CCNB3: variants seen among roughly 807,000 people sequenced by gnomAD.
CCNB3 encodes the protein cyclin B3.
CCNB3 carries 12 observed loss-of-function variants against 68.0 expected under a neutral mutation model. The observed-to-expected ratio is 0.18, with a 90% CI of 0.11 to 0.29. CCNB3 has a LOEUF of 0.29. CCNB3 is among the 10% of genes least tolerant of loss of function. The pLI is 1.00. For synonymous variants in CCNB3, 354 were observed against 388.9 expected, an observed-to-expected ratio of 0.91 and a Z score of 1.06; for missense variants, 904 against 993.1, an observed-to-expected ratio of 0.91 and a Z score of 1.21.
rs1212711744 is a variant in CCNB3 at position 50,226,575 on chromosome X, A to G, written c.-113+21625A>G. On this transcript the variant is annotated intron_variant, in intron 1 of 12. Transcript: ENST00000376042. ...ATAGAATATATATATAAATATATAT[A>G]GAATACATACAAATATATATATAGA... Among the ~76,000 whole-genome samples the G allele has an allele frequency of 5.7e-3, 409 of 72,058 alleles. 2 individuals are homozygous for G. The highest frequency in any genetic ancestry group is 0.021 in the Middle Eastern group (1 of 47). The allele number at this position is 72,058 out of a possible 115,157, so 62.6% of individuals were successfully genotyped here.
intron 1 of CCNB3, among the ~76,000 whole-genome samples, chrX:50,280,972 G>T (rs1293823277): frequency 1.8e-5 from 2 of 109,546 alleles, no homozygotes; most frequent in Non-Finnish European, 3.8e-5. Context: ...TGTTGCCCAG[G>T]CTCATCTCCA....
At chrX:50,311,520 A>G in intron 6 of CCNB3, 24 bp downstream of exon 6, 2 of 1,065,618 alleles carry the variant, frequency 1.9e-6, no homozygotes, top group Non-Finnish European at 2.5e-6. Flanking sequence ...TTTCTTCTTA[A>G]ATTAGATAAA....
rs1363031531 is a variant in CCNB3 at position 50,310,682 on chromosome X, G to A, written c.2513G>A (p.Ser838Asn). 2 of 1,209,085 alleles carry A rather than the reference G, an allele frequency of 1.7e-6. No homozygotes were observed. Among genetic ancestry groups the A allele is most frequent in the African/African-American group, 3.5e-5 (2 of 57,096 alleles). The change falls in exon 6 of 13, where the codon AGC becomes AAC. Residue 838 changes from serine (S) to asparagine (N), a missense_variant. Transcript: ENST00000376042. Reference protein sequence around the residue: ...KEPLALQEEPSTEKEAVLKEP... With the variant: ...KEPLALQEEPNTEKEAVLKEP... ...CCTTTGGCCTTGCAGGAGGAGCCCA[G>A]CACTGAGAAGGAGGCTGTCCTCAAG...
At chrX:50,222,230 CTG>C (rs1304778784) in intron 1 of CCNB3, among the ~76,000 whole-genome samples, 1 of 111,413 alleles carries the variant, frequency 9.0e-6, no homozygotes, top group Non-Finnish European at 1.9e-5. Context: ...CTTTGCCAAT[CTG>C]TGTCTTTTAA....
At chrX:50,215,818 T>A (rs1935562078) in intron 1 of CCNB3, among the ~76,000 whole-genome samples, 1 of 111,372 alleles carries the variant, frequency 9.0e-6, no homozygotes, top group Non-Finnish European at 1.9e-5. Flanking sequence ...ATATAGCCAC[T>A]TTTGTTTGTT....
intron 5 of CCNB3, among the ~76,000 whole-genome samples, chrX:50,299,937 G>C (rs1228809907): frequency 8.2e-5 from 9 of 110,324 alleles, no homozygotes; most frequent in Admixed American, 2.9e-4. Flanking sequence ...TCTGTTTTAT[G>C]AGAGACTAGG....
At chrX:50,318,299 G>T (rs1278652976) in intron 8 of CCNB3, among the ~76,000 whole-genome samples, 3 of 109,603 alleles carry the variant, frequency 2.7e-5, no homozygotes, top group Non-Finnish European at 5.7e-5. Context: ...GGATCATGAG[G>T]TCTGGAGTTC....
At chrX:50,214,868 T>A (rs2146979823) in intron 1 of CCNB3, among the ~76,000 whole-genome samples, 1 of 107,163 alleles carries the variant, frequency 9.3e-6, no homozygotes, top group East Asian at 3.0e-4. Flanking sequence ...CCACAAATTT[T>A]GATGTGTTGT....
intron 8 of CCNB3, among the ~76,000 whole-genome samples, chrX:50,319,646 T>C (rs1921914463): frequency 9.0e-6 from 1 of 111,590 alleles, no homozygotes; most frequent in South Asian, 3.8e-4. Context: ...ATTATGATGT[T>C]GATATAGATG....
rs758313385 is a variant in CCNB3 at position 50,285,225 on chromosome X, A to T, written c.62A>T (p.Lys21Ile). 2.5e-6 allele frequency: 3 copies of T among 1,210,491 alleles called. No homozygotes were observed. The highest frequency in any genetic ancestry group is 5.9e-5 in the East Asian group (2 of 33,826). The change falls in exon 3 of 13, where the codon AAA (lysine) becomes ATA (isoleucine). Residue 21 changes from lysine to isoleucine, a missense_variant. Lys to Ile is a moderately radical substitution (Grantham distance 102, BLOSUM62 -3). This residue lies in a region of CCNB3 where 619 missense variants were observed against 609.8 expected (regional missense o/e 1.02). Coordinates refer to ENST00000376042, the MANE Select transcript of CCNB3 (RefSeq NM_033031.3). ...GTGCCTAAGAAATCTCAGTCCAGCA[A>T]AATTGTGCCCAGTCATCATGACCCA... ...KPVPKKSQSS[K>I]IVPSHHDPSE...
chrX:50,213,641 G>T (rs1433600655), intron 1 of CCNB3, among the ~76,000 whole-genome samples: 3 of 111,301 alleles, frequency 2.7e-5, no homozygotes, highest in Non-Finnish European at 5.7e-5. Flanking sequence ...TGGGCCTGGA[G>T]ATTTTTCTTT....
At chrX:50,225,750 G>A (rs1189252022) in intron 1 of CCNB3, among the ~76,000 whole-genome samples, 4 of 108,752 alleles carry the variant, frequency 3.7e-5, no homozygotes, top group Non-Finnish European at 5.7e-5. Context: ...ATTTCTGAAA[G>A]GGGGGATACT....
chrX:50,222,210 T>C (rs1196009517), intron 1 of CCNB3, among the ~76,000 whole-genome samples: 1 of 111,563 alleles, frequency 9.0e-6, no homozygotes, highest in Non-Finnish European at 1.9e-5. Flanking sequence ...GGGTCTTGAC[T>C]CTTTATCCAC....
At chrX:50,346,876 G>T in intron 10 of CCNB3, 69 bp downstream of exon 10, 1 of 1,058,932 alleles carries the variant, frequency 9.4e-7, no homozygotes, top group Non-Finnish European at 1.3e-6. Context: ...CAGAGTAGCT[G>T]CCTTGAGTGG....
intron 3 of CCNB3, among the ~76,000 whole-genome samples, chrX:50,286,915 TG>T (rs1936250747): frequency 8.9e-6 from 1 of 112,651 alleles, no homozygotes; most frequent in South Asian, 3.6e-4. Context: ...CCCAAAGTGC[TG>T]GGATTACAGG....
chrX:50,350,774 C>T (rs1008414133), intron 11 of CCNB3, among the ~76,000 whole-genome samples: 6 of 109,447 alleles, frequency 5.5e-5, no homozygotes, highest in Non-Finnish European at 1.1e-4. Context: ...TAGTTCACTG[C>T]AGCCTCGAAC....
At chrX:50,280,078 A>G (rs1249654030) in intron 1 of CCNB3, among the ~76,000 whole-genome samples, 1 of 87,011 alleles carries the variant, frequency 1.1e-5, no homozygotes, top group Non-Finnish European at 2.1e-5. Context: ...ATATAAATAT[A>G]TATATGGAAT....
At position 50,308,726 on chromosome X, in the gene CCNB3, A is replaced by G; in HGVS notation, c.557A>G (p.Glu186Gly). ...LSLKKCSNHE[E>G]VSLLEKLQPL... is the part of the protein sequence containing the mutation. ...TTAAAAAAGTGCTCAAATCATGAGG[A>G]GGTGTCCTTACTGGAAAAGCTACAG... is the stretch of plus-strand genomic sequence containing the variant. Residue 186 changes from glutamate (E) to glycine (G), a missense_variant, in exon 6 of 13, where the codon GAG (glutamate) becomes GGG (glycine). Physicochemically the swap from Glu to Gly is moderately conservative, Grantham distance 98. Coordinates refer to ENST00000376042, the MANE Select transcript of CCNB3 (RefSeq NM_033031.3). The G allele has an allele frequency of 1.7e-6, 2 of 1,211,052 alleles. No individual in the cohort carries two copies. The highest frequency in any genetic ancestry group is 2.2e-6 in the Non-Finnish European group (2 of 894,756).
intron 4 of CCNB3, 91 bp from the exon 5 acceptor site, chrX:50,294,772 C>G: frequency 9.4e-7 from 1 of 1,064,715 alleles, no homozygotes; most frequent in Non-Finnish European, 1.3e-6. Flanking sequence ...CAGGACTTTC[C>G]TATGAGAGCC....
Sources: allele counts gnomAD v4.1 joint callset (sites outside exome capture counted in the v4.1 genomes callset), GRCh38; gene constraint gnomAD v4.1.1; regional missense constraint gnomAD v4.1.1; transcripts MANE v1.5; gene names NCBI Gene and HGNC (gene_info 2026-07-23, HGNC 2026-07-21).